The following PCDHA5 variants were observed in gnomAD, a reference collection of about 807,000 sequenced individuals.
PCDHA5 encodes protocadherin alpha-5.
In PCDHA5, 43 loss-of-function variants were observed where a neutral mutation model predicts 61.6. That is an observed-to-expected ratio of 0.70 (90% CI 0.55 to 0.90). PCDHA5 has a LOEUF of 0.90. PCDHA5 is among the 40% of genes least tolerant of loss of function. The pLI is 0.00. For missense variants in PCDHA5, 1,298 were observed against 1,222.7 expected, an observed-to-expected ratio of 1.06 and a Z score of -0.92; for synonymous variants, 627 against 543.9, an observed-to-expected ratio of 1.15 and a Z score of -2.13.
intron 1 of PCDHA5, among the ~76,000 whole-genome samples, chr5:140,949,015 T>A (rs1004348581): frequency 7.9e-5 from 12 of 151,734 alleles, no homozygotes; most frequent in Non-Finnish European, 1.2e-4. Context: ...ATATGTGATG[T>A]TTTTATTTTT....
chr5:140,973,391 A>G (rs1466546487), intron 1 of PCDHA5, among the ~76,000 whole-genome samples: 1 of 152,232 alleles, frequency 6.6e-6, no homozygotes, highest in East Asian at 1.9e-4. Context: ...AGACAAAGAA[A>G]TCATATCTAT....
rs781902121 is a variant in PCDHA5 at position 140,870,112 on chromosome 5, G to A, written c.2352+45985G>A. The A allele has an allele frequency of 1.2e-6, 2 of 1,613,938 alleles. No individual in the cohort carries two copies. The highest frequency in any genetic ancestry group is 8.5e-7 in the Non-Finnish European group (1 of 1,179,896). ...AATGGCAGGTCACTGTACAGTCTGG[G>A]TGGAAATCTTGGACACCAACGATAA... On this transcript the variant is annotated intron_variant, in intron 1 of 3. Coordinates refer to ENST00000529859, the MANE Select transcript of PCDHA5 (RefSeq NM_018908.3).
rs2150203644 is a variant in PCDHA5, at chr5:140,832,732, A to G, written c.2352+8605A>G. Among the ~76,000 whole-genome samples the G allele has an allele frequency of 1.6e-4, 25 of 152,362 alleles. No individual in the cohort carries two copies. In the East Asian group the frequency reaches 4.4e-3, roughly 27 times the overall value. On this transcript the variant is annotated intron_variant, in intron 1 of 3. Coordinates refer to ENST00000529859, the MANE Select transcript of PCDHA5 (RefSeq NM_018908.3). ...ATAGATAAATAAAGGTAAGTATCCT[A>G]CATAAATACGATGATAGTAAAAGCA...
chr5:140,870,974 G>C, intron 1 of PCDHA5: 5 of 1,613,628 alleles, frequency 3.1e-6, no homozygotes, highest in Non-Finnish European at 4.2e-6. Context: ...TTCCGCGTGG[G>C]GCTGTACACG....
intron 1 of PCDHA5, chr5:140,825,492 G>C (rs1768599231): frequency 6.7e-6 from 1 of 150,372 alleles, no homozygotes; most frequent in Admixed American, 6.6e-5. Flanking sequence ...GCCCAAACGA[G>C]TGCAATGGTA....
chr5:140,937,911 CAA>C (rs200797202), intron 1 of PCDHA5, among the ~76,000 whole-genome samples: 76 of 117,920 alleles, frequency 6.4e-4, no homozygotes, highest in Admixed American at 7.8e-4. Context: ...GACTCCGTCT[CAA>C]AAAAAAAAAA....
chr5:140,824,612 T>TTTG (rs1562279387), intron 1 of PCDHA5: 3 of 117,268 alleles, frequency 2.6e-5, no homozygotes, highest in African/African-American at 7.9e-5. Context: ...TAATTAAAGT[T>TTTG]TTTTTTTTTT....
chr5:140,830,567 GTTTTTAA>G, intron 1 of PCDHA5: 1 of 951,116 alleles, frequency 1.1e-6, no homozygotes, highest in Non-Finnish European at 1.4e-6. Context: ...CTATATTTCT[GTTTTTAA>G]TTTTTAATTA....
rs2150161509 is a variant in PCDHA5, at chr5:140,828,980, C to T, written c.2352+4853C>T. On this transcript the variant is annotated intron_variant, in intron 1 of 3. Transcript: ENST00000529859. ...GGTTATTGACCACTTTAGCATAGAT[C>T]GAAATACGGGAGAAATAGTGATTCG... 18 of 1,613,888 alleles carry T rather than the reference C, an allele frequency of 1.1e-5. No homozygotes were observed. In the African/African-American group the frequency reaches 1.7e-4, roughly 16 times the overall value.
chr5:140,892,497 T>C (rs1459778884), intron 1 of PCDHA5, among the ~76,000 whole-genome samples: 1 of 152,238 alleles, frequency 6.6e-6, no homozygotes, highest in Non-Finnish European at 1.5e-5. Context: ...GAGAGATTGT[T>C]TAAGAAGTTC....
intron 1 of PCDHA5, chr5:140,855,742 T>C (rs1239874184): frequency 3.2e-6 from 1 of 313,712 alleles, no homozygotes; most frequent in Admixed American, 4.7e-5. Flanking sequence ...AGAGACGTAA[T>C]GTGAGGCTTT....
chr5:140,850,323 G>A (rs2150479672), intron 1 of PCDHA5: 4 of 1,597,370 alleles, frequency 2.5e-6, no homozygotes, highest in Non-Finnish European at 3.4e-6. Context: ...GCTTTCATAC[G>A]AGCTGCAGCC....
chr5:140,847,046 G>A (rs1554141633), intron 1 of PCDHA5, among the ~76,000 whole-genome samples: 1 of 149,680 alleles, frequency 6.7e-6, no homozygotes, highest in Non-Finnish European at 1.5e-5. Flanking sequence ...AAGGAAAGTT[G>A]AAGACACAGA....
chr5:140,862,602 C>T (rs2047444114), intron 1 of PCDHA5: 2 of 514,424 alleles, frequency 3.9e-6, no homozygotes, highest in South Asian at 3.0e-5. Flanking sequence ...ACATGGTGTT[C>T]GTGAAAGGTA....
chr5:140,830,597 T>A (rs1331497388), intron 1 of PCDHA5: 2 of 693,358 alleles, frequency 2.9e-6, no homozygotes, highest in Non-Finnish European at 4.3e-6. Flanking sequence ...TTTACAAAAT[T>A]ACATATTTTC....
intron 1 of PCDHA5, among the ~76,000 whole-genome samples, chr5:140,970,841 C>T (rs782138970): frequency 2.0e-5 from 3 of 150,352 alleles, no homozygotes; most frequent in African/African-American, 7.5e-5. Context: ...ATGTAATGCA[C>T]AGGCACAAAA....
At chr5:140,917,262 T>C (rs1222739469) in intron 1 of PCDHA5, among the ~76,000 whole-genome samples, 1 of 151,720 alleles carries the variant, frequency 6.6e-6, no homozygotes, top group Middle Eastern at 3.2e-3. Context: ...CACCTGATGT[T>C]TGGTTTTTGT....
chr5:140,982,128 A>G (rs2153827578), intron 2 of PCDHA5, among the ~76,000 whole-genome samples: 1 of 152,384 alleles, frequency 6.6e-6, no homozygotes, highest in South Asian at 2.1e-4. Flanking sequence ...TTTTGAGAAC[A>G]AGCCCTCCTC....
intron 3 of PCDHA5, among the ~76,000 whole-genome samples, chr5:141,007,767 G>T (rs1322859075): frequency 6.6e-6 from 1 of 152,142 alleles, no homozygotes; most frequent in African/African-American, 2.4e-5. Context: ...TATTGGCCTG[G>T]AAATGGTACT....
Sources: gnomAD v4.1 joint callset for allele counts (sites outside exome capture counted in the v4.1 genomes callset) on GRCh38, gnomAD v4.1.1 for gene constraint, MANE v1.5 for transcripts, NCBI Gene and HGNC (gene_info 2026-07-23, HGNC 2026-07-21) for gene names.